The following KANK1 variants were observed in gnomAD, a reference collection of about 807,000 sequenced individuals.
The protein encoded by KANK1 is KN motif and ankyrin repeat domains 1, also known as KN motif and ankyrin repeat domain-containing protein 1.
KANK1 carries 109 observed loss-of-function variants against 106.2 expected under a neutral mutation model. That is an observed-to-expected ratio of 1.03 (90% CI 0.88 to 1.20). The LOEUF (loss-of-function observed/expected upper bound fraction) is 1.20. KANK1 is among the 50% of genes most tolerant of loss of function. KANK1 has a pLI of 0.00. For missense variants in KANK1, 2,399 were observed against 1,710.7 expected (o/e 1.40, Z -7.10); for synonymous variants, 873 against 652.2 (o/e 1.34, Z -5.16).
chr9:744,871 G>A (rs1836785708), intron 11 of KANK1: 2 of 1,411,692 alleles, frequency 1.4e-6, no homozygotes, highest in Admixed American at 2.9e-5. Context: ...AGCAGCCCCT[G>A]AGCCCATGGG....
At chr9:704,039 T>A (rs1292410715) in intron 2 of KANK1, among the ~76,000 whole-genome samples, 2 of 152,178 alleles carry the variant, frequency 1.3e-5, no homozygotes, top group Non-Finnish European at 2.9e-5. Context: ...ATACTTCCTC[T>A]TGATCCTGAA....
In KANK1 at chr9:609,144, C is replaced by T. The variant is rs77756164; in HGVS notation, c.-83-67746C>T. ...AAAAAAAAAGATTGTCCATAAATAG[C>T]AATTGGCTTTACCTAGTATTATTTA... is the stretch of plus-strand genomic sequence containing the variant. On this transcript the variant is annotated intron_variant, in intron 1 of 11. Coordinates refer to ENST00000382297, the MANE Select transcript of KANK1 (RefSeq NM_015158.5). Among the ~76,000 whole-genome samples, 210 of 152,096 alleles carry T rather than the reference C, an allele frequency of 1.4e-3. 4 individuals are homozygous for T. The highest frequency in any genetic ancestry group is 4.1e-3 in the African/African-American group (170 of 41,508).
intron 1 of KANK1, among the ~76,000 whole-genome samples, chr9:545,694 G>A (rs1239297327): frequency 6.6e-6 from 1 of 150,714 alleles, no homozygotes; most frequent in Non-Finnish European, 1.5e-5. Flanking sequence ...ACAGCATATG[G>A]AGATGCAGTA....
At chr9:707,015 GGGAATGC>G (rs1824423310) in intron 2 of KANK1, 2 of 985,382 alleles carry the variant, frequency 2.0e-6, no homozygotes, top group African/African-American at 3.5e-5. Context: ...TAAGAAAACA[GGGAATGC>G]GGAACAGCTG....
intron 1 of KANK1, among the ~76,000 whole-genome samples, chr9:529,272 G>GAC (rs1003223115): frequency 1.4e-4 from 21 of 145,992 alleles, no homozygotes; most frequent in South Asian, 4.4e-4. Flanking sequence ...CACACACACA[G>GAC]ACACACACAC....
intron 1 of KANK1, among the ~76,000 whole-genome samples, chr9:621,692 A>T (rs1160499413): frequency 6.6e-6 from 1 of 152,042 alleles, no homozygotes; most frequent in Non-Finnish European, 1.5e-5. Flanking sequence ...CGCTCTCAGC[A>T]AGAGCATGGG....
At chr9:555,556 G>C (rs1271169303) in intron 1 of KANK1, among the ~76,000 whole-genome samples, 4 of 152,222 alleles carry the variant, frequency 2.6e-5, no homozygotes, top group African/African-American at 9.6e-5. Flanking sequence ...TTTCTGGAAT[G>C]TTTCAGCATC....
chr9:668,935 T>C (rs945380677), intron 1 of KANK1, among the ~76,000 whole-genome samples: 6 of 152,180 alleles, frequency 3.9e-5, no homozygotes, highest in Admixed American at 3.9e-4. Context: ...TCTATGCTGC[T>C]AATGATCTGA....
intron 2 of KANK1, among the ~76,000 whole-genome samples, chr9:691,403 T>C (rs1819871360): frequency 6.7e-6 from 1 of 149,850 alleles, no homozygotes; most frequent in African/African-American, 2.5e-5. Flanking sequence ...TGTGTGTGTG[T>C]GTATATATAT....
At chr9:562,598 T>C (rs1447437248) in intron 1 of KANK1, among the ~76,000 whole-genome samples, 3 of 152,162 alleles carry the variant, frequency 2.0e-5, no homozygotes, top group Non-Finnish European at 4.4e-5. Flanking sequence ...TGAGCTGTAG[T>C]TTCTTAACCT....
chr9:727,688 G>C (rs1234084914), intron 3 of KANK1, among the ~76,000 whole-genome samples: 3 of 150,484 alleles, frequency 2.0e-5, no homozygotes, highest in South Asian at 4.2e-4. Flanking sequence ...TCATGTGTGT[G>C]TGTGTGTGTG....
intron 1 of KANK1, chr9:549,818 G>C (rs954393270): frequency 2.0e-5 from 3 of 152,256 alleles, no homozygotes; most frequent in East Asian, 1.9e-4. Flanking sequence ...GTTATTGTCT[G>C]TGTGGAGGAA....
At chr9:482,667 A>G (rs1160024717) in intron 3 of KANK1, among the ~76,000 whole-genome samples, 3 of 152,194 alleles carry the variant, frequency 2.0e-5, no homozygotes, top group African/African-American at 7.2e-5. Flanking sequence ...TACCATTCAT[A>G]TGGATGTGTA....
chr9:649,391 G>A (rs761525355), intron 1 of KANK1, among the ~76,000 whole-genome samples: 15 of 152,118 alleles, frequency 9.9e-5, no homozygotes, highest in Non-Finnish European at 1.9e-4. Context: ...CTGGCTCAAA[G>A]CATAGAAGAA....
chr9:490,480 G>T (rs1439551186), intron 3 of KANK1, among the ~76,000 whole-genome samples: 2 of 152,308 alleles, frequency 1.3e-5, no homozygotes, highest in African/African-American at 4.8e-5. Flanking sequence ...CTGCACTCCA[G>T]CCTGAGAACA....
At chr9:606,768 G>A (rs1283669604) in intron 1 of KANK1, among the ~76,000 whole-genome samples, 1 of 151,510 alleles carries the variant, frequency 6.6e-6, no homozygotes, top group African/African-American at 2.4e-5. Context: ...GGAGAGGACT[G>A]AAACCAGTAA....
At chr9:569,312 C>G (rs867516769) in intron 1 of KANK1, among the ~76,000 whole-genome samples, 1 of 152,062 alleles carries the variant, frequency 6.6e-6, no homozygotes, top group African/African-American at 2.4e-5. Context: ...GAAACTTAAC[C>G]CCCAATGTGG....
chr9:688,425 G>A (rs1223875238), intron 2 of KANK1, among the ~76,000 whole-genome samples: 2 of 152,184 alleles, frequency 1.3e-5, no homozygotes, highest in Non-Finnish European at 1.5e-5. Context: ...GGCCAACGGG[G>A]TGAAACCCCG....
rs562774968 is a variant in KANK1, at chr9:512,623, A to G, written c.-84+7869A>G. ...TGGAAGCTTCATGGCCTTTTATGAC[A>G]TATTATCAGAAGTTAATAACTTCCC... On this transcript the variant is annotated intron_variant, in intron 1 of 11. Coordinates refer to ENST00000382297, the MANE Select transcript of KANK1 (RefSeq NM_015158.5). Among the ~76,000 whole-genome samples the G allele has an allele frequency of 4.6e-5, 7 of 152,278 alleles. No individual in the cohort carries two copies. In the East Asian group the frequency reaches 5.8e-4, roughly 13 times the overall value.
Sources: gnomAD v4.1 joint callset for allele counts (sites outside exome capture counted in the v4.1 genomes callset) on GRCh38, gnomAD v4.1.1 for gene constraint, MANE v1.5 for transcripts, NCBI Gene and HGNC (gene_info 2026-07-23, HGNC 2026-07-21) for gene names.